CCDC172: variants seen among roughly 807,000 people sequenced by gnomAD.
The protein encoded by CCDC172 is coiled-coil domain containing 172, also known as coiled-coil domain-containing protein 172.
CCDC172 carries 30 observed loss-of-function variants against 38.0 expected under a neutral mutation model. The ratio of observed to expected loss-of-function variants is 0.79; its 90% CI spans 0.59 to 1.07. The LOEUF (loss-of-function observed/expected upper bound fraction) is 1.07, where lower values mean the gene tolerates loss of function less well. Ranked by LOEUF, CCDC172 falls within the 50% of genes least tolerant of loss-of-function variation. CCDC172 has a pLI of 0.00. For synonymous variants in CCDC172, 78 were observed against 88.3 expected (o/e 0.88, Z 0.66); for missense variants, 297 against 290.1 (o/e 1.02, Z -0.17).
At chr10:116,373,897 T>G (rs982114292) in intron 7 of CCDC172, among the ~76,000 whole-genome samples, 1 of 152,190 alleles carries the variant, frequency 6.6e-6, no homozygotes, top group African/African-American at 2.4e-5. Flanking sequence ...TTTAAAAAAA[T>G]ACAGTAGTCC....
intron 7 of CCDC172, among the ~76,000 whole-genome samples, chr10:116,368,087 T>A (rs1196570802): frequency 1.3e-5 from 2 of 152,176 alleles, no homozygotes; most frequent in Non-Finnish European, 2.9e-5. Flanking sequence ...CAGAGCATTA[T>A]ATCAGGAGGC....
chr10:116,379,189 T>A (rs981003963), intron 8 of CCDC172, 134 bp from the exon 9 acceptor site: 4 of 501,562 alleles, frequency 8.0e-6, no homozygotes, highest in African/African-American at 2.2e-5. Flanking sequence ...TACCTTTGAA[T>A]TTATTTTTTT....
chr10:116,373,227 G>C (rs988835111), intron 7 of CCDC172, among the ~76,000 whole-genome samples: 5 of 152,082 alleles, frequency 3.3e-5, no homozygotes, highest in South Asian at 2.1e-4. Context: ...GGACAACATA[G>C]AGAGACCCCA....
In CCDC172 at chr10:116,357,313, C is replaced by A. The variant is rs1002450134; in HGVS notation, c.449-67C>A. ...GTTTTATAGTTTTTAGTGTACAGGT[C>A]TTTTACTTCCGGGGTTAAATTTATT... On this transcript the variant is annotated intron_variant, in intron 5 of 8. Transcript: ENST00000333254. 4.9e-6 allele frequency: 5 copies of A among 1,016,038 alleles called. No individual in the cohort carries two copies. In the Admixed American group the frequency reaches 1.5e-4, roughly 31 times the overall value. The allele number at this position is 1,016,038 out of a possible 1,614,324, so 62.9% of individuals were successfully genotyped here.
intron 5 of CCDC172, among the ~76,000 whole-genome samples, chr10:116,348,246 A>G (rs1422607629): frequency 6.6e-6 from 1 of 152,040 alleles, no homozygotes; most frequent in Non-Finnish European, 1.5e-5. Context: ...AGAGCTGTTG[A>G]CTTCCCAGAG....
chr10:116,352,655 A>G (rs1257148286), intron 5 of CCDC172, among the ~76,000 whole-genome samples: 1 of 152,124 alleles, frequency 6.6e-6, no homozygotes, highest in Non-Finnish European at 1.5e-5. Context: ...CCCACAGCTA[A>G]TGTCATTCTT....
intron 5 of CCDC172, among the ~76,000 whole-genome samples, chr10:116,345,756 A>G (rs1844858079): frequency 1.3e-5 from 2 of 152,180 alleles, no homozygotes; most frequent in African/African-American, 2.4e-5. Flanking sequence ...GTGATATATC[A>G]CTGTATATCC....
chr10:116,349,334 G>A (rs1353451111), intron 5 of CCDC172, among the ~76,000 whole-genome samples: 4 of 152,104 alleles, frequency 2.6e-5, no homozygotes, highest in African/African-American at 7.2e-5. Context: ...TCCCTCCCGT[G>A]GTCCATGGAA....
chr10:116,378,345 CAA>C, intron 7 of CCDC172, 76 bp from the exon 8 acceptor site: 4 of 1,372,698 alleles, frequency 2.9e-6, no homozygotes, highest in Non-Finnish European at 2.9e-6. Flanking sequence ...ATAGAAGCTA[CAA>C]ACTTGTCCCT....
At chr10:116,349,837 GGATA>G (rs1344791877) in intron 5 of CCDC172, among the ~76,000 whole-genome samples, 2 of 152,056 alleles carry the variant, frequency 1.3e-5, no homozygotes, top group Non-Finnish European at 2.9e-5. Flanking sequence ...GAGGGAAGAG[GGATA>G]GATAGATAAG....
chr10:116,371,714 A>G (rs1762087608), intron 7 of CCDC172, among the ~76,000 whole-genome samples: 1 of 152,112 alleles, frequency 6.6e-6, no homozygotes, highest in African/African-American at 2.4e-5. Flanking sequence ...CATTTCAGCT[A>G]TGGTTACTGG....
At chr10:116,327,095 T>C (rs911553074) in intron 3 of CCDC172, among the ~76,000 whole-genome samples, 2 of 152,144 alleles carry the variant, frequency 1.3e-5, no homozygotes, top group African/African-American at 2.4e-5. Flanking sequence ...GCTTCTCCTG[T>C]ATTAACTCCT....
chr10:116,328,301 T>G (rs1844615669), intron 3 of CCDC172, among the ~76,000 whole-genome samples: 1 of 152,154 alleles, frequency 6.6e-6, no homozygotes, highest in African/African-American at 2.4e-5. Flanking sequence ...TTTGGTAATA[T>G]GAAAACAGAA....
chr10:116,369,782 A>G (rs968364097), intron 7 of CCDC172, among the ~76,000 whole-genome samples: 1 of 151,988 alleles, frequency 6.6e-6, no homozygotes, highest in African/African-American at 2.4e-5. Context: ...ATCTTGCCCC[A>G]TTCTTCTCCA....
At chr10:116,357,088 T>A (rs1845006362) in intron 5 of CCDC172, among the ~76,000 whole-genome samples, 2 of 152,152 alleles carry the variant, frequency 1.3e-5, no homozygotes, top group Admixed American at 1.3e-4. Flanking sequence ...TTTGTTTAGT[T>A]TTCTATTTCT....
intron 7 of CCDC172, among the ~76,000 whole-genome samples, chr10:116,370,647 CT>C (rs925993134): frequency 1.2e-3 from 176 of 143,986 alleles, no homozygotes; most frequent in Middle Eastern, 7.3e-3. Context: ...CTAGTCACTC[CT>C]TTTTTTTTTT....
chr10:116,365,425 C>T (rs964487302), intron 7 of CCDC172, among the ~76,000 whole-genome samples: 1 of 151,818 alleles, frequency 6.6e-6, no homozygotes, highest in Non-Finnish European at 1.5e-5. Flanking sequence ...TGGATGAGCA[C>T]GTGTTGATGG....
chr10:116,369,995 A>G (rs998040164), intron 7 of CCDC172, among the ~76,000 whole-genome samples: 1 of 151,806 alleles, frequency 6.6e-6, no homozygotes, highest in Non-Finnish European at 1.5e-5. Flanking sequence ...CCATTTGTAA[A>G]TTGTTTTTTT....
At chr10:116,355,927 A>G (rs1274218927) in intron 5 of CCDC172, among the ~76,000 whole-genome samples, 2 of 152,272 alleles carry the variant, frequency 1.3e-5, no homozygotes, top group Admixed American at 1.3e-4. Flanking sequence ...CTGTGAAAAT[A>G]CTAAAGCCCA....
Sources: allele counts gnomAD v4.1 joint callset (sites outside exome capture counted in the v4.1 genomes callset), GRCh38; gene constraint gnomAD v4.1.1; transcripts MANE v1.5; gene names NCBI Gene and HGNC (gene_info 2026-07-23, HGNC 2026-07-21).